Variants in SLC24A4 observed in about 807,000 individuals in gnomAD.
The protein encoded by SLC24A4 is sodium/potassium/calcium exchanger 4.
SLC24A4 carries 53 observed loss-of-function variants against 79.0 expected under a neutral mutation model. That is an observed-to-expected ratio of 0.67 (90% CI 0.54 to 0.84). The LOEUF is 0.84. SLC24A4 is among the 40% of genes least tolerant of loss of function. The probability of loss-of-function intolerance (pLI) is 0.00; values close to 1 mark genes in which losing one functional copy is unlikely to be tolerated. For missense variants in SLC24A4, 731 were observed against 822.0 expected, an observed-to-expected ratio of 0.89 and a Z score of 1.35; for synonymous variants, 323 against 323.8, an observed-to-expected ratio of 1.00 and a Z score of 0.03.
At chr14:92,375,125 T>C (rs1298321565) in intron 2 of SLC24A4, among the ~76,000 whole-genome samples, 1 of 152,246 alleles carries the variant, frequency 6.6e-6, no homozygotes, top group African/African-American at 2.4e-5. Flanking sequence ...TACCCAGTTC[T>C]CTGGGGATTG....
chr14:92,473,796 C>T (rs766542063), intron 12 of SLC24A4, among the ~76,000 whole-genome samples: 9 of 152,182 alleles, frequency 5.9e-5, no homozygotes, highest in Non-Finnish European at 1.0e-4. Flanking sequence ...ACGCCGAAAT[C>T]GGTTCCAATT....
rs781364547 is a variant in SLC24A4, at chr14:92,433,941, TCCA to T, written c.272_274del (p.Ser91_Asn92delinsTyr). 1 of 1,614,168 alleles carries T rather than the reference TCCA, an allele frequency of 6.2e-7. No individual in the cohort carries two copies. Among genetic ancestry groups the T allele is most frequent in the Non-Finnish European group, 8.5e-7 (1 of 1,180,024 alleles). ...TCACGAGTTCCCCACAGATCTGTTC[TCCA>T]ATAAGGAGCGACAGCACGGAGCCGT... On this transcript the variant is annotated inframe_deletion, in exon 3 of 17. Transcript: ENST00000532405.
At chr14:92,471,077 G>A (rs1023526012) in intron 12 of SLC24A4, among the ~76,000 whole-genome samples, 2 of 152,226 alleles carry the variant, frequency 1.3e-5, no homozygotes, top group African/African-American at 4.8e-5. Context: ...TCAGCTGCAT[G>A]TAACAGAAAA....
At chr14:92,456,732 A>C in intron 12 of SLC24A4, 124 bp downstream of exon 12, 1 of 961,578 alleles carries the variant, frequency 1.0e-6, no homozygotes, top group Non-Finnish European at 1.6e-6. Flanking sequence ...CAAAGGGTCG[A>C]TATTAGGTCA....
chr14:92,392,764 A>C (rs990744787), intron 2 of SLC24A4, among the ~76,000 whole-genome samples: 15 of 152,232 alleles, frequency 9.9e-5, no homozygotes, highest in African/African-American at 2.9e-4. Context: ...AGAAGCCCCG[A>C]GGAAGCCCGT....
At chr14:92,351,236 G>GCGCGCACGCACACACACACACA (rs112120101) in intron 2 of SLC24A4, among the ~76,000 whole-genome samples, 1 of 146,986 alleles carries the variant, frequency 6.8e-6, no homozygotes, top group Non-Finnish European at 1.5e-5. Flanking sequence ...ACACATACAC[G>GCGCGCACGCACACACACACACA]CACACACACA....
chr14:92,447,687 T>G (rs1473866239), intron 9 of SLC24A4, among the ~76,000 whole-genome samples: 1 of 152,142 alleles, frequency 6.6e-6, no homozygotes, highest in African/African-American at 2.4e-5. Context: ...TCCAGACAAG[T>G]AGCATGCAAG....
At chr14:92,430,573 G>A (rs1341912406) in intron 2 of SLC24A4, among the ~76,000 whole-genome samples, 2 of 152,216 alleles carry the variant, frequency 1.3e-5, no homozygotes, top group African/African-American at 4.8e-5. Flanking sequence ...CACAGTCGAG[G>A]ATGGGTGCAC....
intron 2 of SLC24A4, among the ~76,000 whole-genome samples, chr14:92,363,325 A>T (rs988089509): frequency 1.2e-4 from 18 of 152,242 alleles, no homozygotes; most frequent in Non-Finnish European, 2.4e-4. Flanking sequence ...ACCTGCAGCC[A>T]GAAGTGAATT....
chr14:92,351,978 G>A (rs765808571), intron 2 of SLC24A4, among the ~76,000 whole-genome samples: 2 of 152,150 alleles, frequency 1.3e-5, no homozygotes, highest in African/African-American at 4.8e-5. Flanking sequence ...AGAAAGAAAG[G>A]TAGGTGAAGG....
intron 13 of SLC24A4, chr14:92,484,976 A>G (rs1895274045): frequency 1.3e-6 from 1 of 775,308 alleles, no homozygotes; most frequent in South Asian, 5.9e-5. Flanking sequence ...ATTTCAACCT[A>G]ATCTTACTTC....
At chr14:92,449,330 A>T in intron 10 of SLC24A4, 114 bp downstream of exon 10, 2 of 1,300,590 alleles carry the variant, frequency 1.5e-6, no homozygotes, top group Non-Finnish European at 2.1e-6. Flanking sequence ...ACACCCTCTC[A>T]CAATGTCCCC....
chr14:92,329,897 T>G (rs1885368031), intron 2 of SLC24A4, among the ~76,000 whole-genome samples: 1 of 152,260 alleles, frequency 6.6e-6, no homozygotes, highest in African/African-American at 2.4e-5. Flanking sequence ...ACCTCTTTTG[T>G]GGCCAGAAGA....
chr14:92,447,534 G>A, intron 9 of SLC24A4, 110 bp downstream of exon 9: 1 of 1,036,078 alleles, frequency 9.7e-7, no homozygotes, highest in Non-Finnish European at 1.5e-6. Context: ...GTCCTTTTAG[G>A]CCAGCCCCAG....
At position 92,414,586 on chromosome 14, in the gene SLC24A4, C is replaced by T. The variant is rs116121974; in HGVS notation, c.242-19326C>T. Among the ~76,000 whole-genome samples, 329 of 152,106 alleles carry T rather than the reference C, an allele frequency of 2.2e-3. 4 individuals are homozygous for T. Among genetic ancestry groups the T allele is most frequent in the African/African-American group, 7.3e-3 (304 of 41,502 alleles). On this transcript the variant is annotated intron_variant, in intron 2 of 16. Coordinates refer to ENST00000532405, the MANE Select transcript of SLC24A4 (RefSeq NM_153646.4). ...CCCCAGCTCTACAAAAACAAACAAA[C>T]AAAATTAGCTGGGCATGAAGATGCA...
intron 2 of SLC24A4, among the ~76,000 whole-genome samples, chr14:92,339,159 C>T (rs898121552): frequency 3.3e-5 from 5 of 152,314 alleles, no homozygotes; most frequent in Admixed American, 1.3e-4. Flanking sequence ...GTCCTAGATG[C>T]GGACCCGGCC....
chr14:92,437,041 G>A (rs1201535975), intron 3 of SLC24A4, among the ~76,000 whole-genome samples: 1 of 152,202 alleles, frequency 6.6e-6, no homozygotes, highest in African/African-American at 2.4e-5. Context: ...TGAAATTGAT[G>A]AGTATCACTG....
chr14:92,442,296 A>C (rs1176651815), intron 5 of SLC24A4, 123 bp downstream of exon 5: 1 of 718,294 alleles, frequency 1.4e-6, no homozygotes, highest in Non-Finnish European at 2.3e-6. Context: ...AGAATTGGAG[A>C]GGCAGTAAGT....
intron 2 of SLC24A4, among the ~76,000 whole-genome samples, chr14:92,396,716 T>C (rs1889799742): frequency 1.3e-5 from 2 of 152,256 alleles, no homozygotes; most frequent in African/African-American, 4.8e-5. Context: ...TGCCCAATTT[T>C]ATACTCTACT....
Sources: gnomAD v4.1 joint callset for allele counts (sites outside exome capture counted in the v4.1 genomes callset) on GRCh38, gnomAD v4.1.1 for gene constraint, MANE v1.5 for transcripts, NCBI Gene and HGNC (gene_info 2026-07-23, HGNC 2026-07-21) for gene names.